The following NLRC4 variants were observed in gnomAD, a reference collection of about 807,000 sequenced individuals.
NLRC4 encodes the protein NLR family CARD domain containing 4, also known as NLR family CARD domain-containing protein 4.
NLRC4 carries 63 observed loss-of-function variants against 79.9 expected under a neutral mutation model. The observed-to-expected ratio is 0.79, with a 90% CI of 0.64 to 0.97. NLRC4 has a LOEUF of 0.97. NLRC4 is among the 50% of genes least tolerant of loss of function. The pLI is 0.00. For synonymous variants in NLRC4, 461 were observed against 456.5 expected, an observed-to-expected ratio of 1.01 and a Z score of -0.12; for missense variants, 1,074 against 1,215.2, an observed-to-expected ratio of 0.88 and a Z score of 1.73.
chr2:32,226,103 A>G (rs1242504010), intron 8 of NLRC4, among the ~76,000 whole-genome samples: 1 of 152,218 alleles, frequency 6.6e-6, no homozygotes, highest in South Asian at 2.1e-4. Context: ...AGCAAAGACT[A>G]AAAGGTATCT....
chr2:32,233,715 A>G (rs1015212591), intron 8 of NLRC4, among the ~76,000 whole-genome samples: 3 of 152,134 alleles, frequency 2.0e-5, no homozygotes, highest in Admixed American at 6.6e-5. Flanking sequence ...CATGTGGTCT[A>G]TCCTTGAGAA....
chr2:32,228,997 C>T (rs531575156), intron 8 of NLRC4, among the ~76,000 whole-genome samples: 30 of 151,926 alleles, frequency 2.0e-4, no homozygotes, highest in African/African-American at 6.8e-4. Flanking sequence ...AACTCCTGAC[C>T]TCAAGTGATA....
intron 4 of NLRC4, among the ~76,000 whole-genome samples, chr2:32,245,398 T>A (rs953618180): frequency 6.6e-6 from 1 of 151,514 alleles, no homozygotes; most frequent in East Asian, 1.9e-4. Context: ...ACATCACGTG[T>A]TCTTACTTAT....
chr2:32,231,728 C>A (rs2148931568), intron 8 of NLRC4, among the ~76,000 whole-genome samples: 1 of 152,044 alleles, frequency 6.6e-6, no homozygotes, highest in East Asian at 1.9e-4. Context: ...CGCTGCCACA[C>A]CCAGCTAATT....
chr2:32,258,542 A>T (rs1442473701), intron 1 of NLRC4, among the ~76,000 whole-genome samples: 1 of 152,116 alleles, frequency 6.6e-6, no homozygotes, highest in African/African-American at 2.4e-5. Context: ...TATCAATATG[A>T]GTAATTGAGG....
At chr2:32,233,349 A>ATATATATT (rs1418146489) in intron 8 of NLRC4, among the ~76,000 whole-genome samples, 17 of 41,086 alleles carry the variant, frequency 4.1e-4, no homozygotes, top group South Asian at 1.9e-3. Context: ...ATATATATAT[A>ATATATATT]TTTTTTTTTT....
At chr2:32,233,347 A>ATTTT (rs1453870780) in intron 8 of NLRC4, among the ~76,000 whole-genome samples, 5 of 45,626 alleles carry the variant, frequency 1.1e-4, no homozygotes, top group African/African-American at 4.0e-4. Flanking sequence ...ATATATATAT[A>ATTTT]TATTTTTTTT....
intron 1 of NLRC4, among the ~76,000 whole-genome samples, chr2:32,259,442 CAT>C (rs1007958308): frequency 2.0e-5 from 3 of 151,704 alleles, no homozygotes; most frequent in Non-Finnish European, 4.4e-5. Context: ...CATTTTCAAA[CAT>C]AGAGAAAATC....
Position 32,235,489 on chromosome 2 carries a change from G to T in NLRC4, c.2694C>A (p.Ser898Arg), listed in dbSNP as rs1167195197. The stretch of plus-strand genomic sequence containing the variant: ...GGACCTCCTCCAAATGTTTCAACAG[G>T]CTGCTCAGGCTGCCTTGCACGTCAC... Reference protein sequence around the residue: ...WGCDVQGSLSSLLKHLEEVPQ... With the variant: ...WGCDVQGSLSRLLKHLEEVPQ... Residue 898 changes from serine (S) to arginine (R), a missense_variant, in exon 8 of 9, where the codon AGC becomes AGA. By Grantham distance (110) the Ser-to-Arg change is moderately radical. Coordinates refer to ENST00000402280, the MANE Select transcript of NLRC4 (RefSeq NM_001199138.2). The T allele has an allele frequency of 6.2e-7, 1 of 1,614,104 alleles. No individual in the cohort carries two copies. The highest frequency in any genetic ancestry group is 2.2e-5 in the East Asian group (1 of 44,884).
chr2:32,260,238 G>GAAA, intron 1 of NLRC4, among the ~76,000 whole-genome samples: 1 of 117,910 alleles, frequency 8.5e-6, no homozygotes, highest in South Asian at 2.9e-4. Flanking sequence ...AAAAAACAAC[G>GAAA]AAAAAAAAAA....
At chr2:32,257,159 G>C (rs547142976) in intron 1 of NLRC4, among the ~76,000 whole-genome samples, 1 of 152,202 alleles carries the variant, frequency 6.6e-6, no homozygotes, top group Non-Finnish European at 1.5e-5. Context: ...AGCCAAGAAG[G>C]CAACATGGAA....
chr2:32,255,520 C>CAA (rs1385459440), intron 2 of NLRC4, among the ~76,000 whole-genome samples: 6 of 38,588 alleles, frequency 1.6e-4, no homozygotes, highest in Admixed American at 3.1e-4. Flanking sequence ...AACTCCGTCT[C>CAA]AAAAAAAAAA....
intron 1 of NLRC4, among the ~76,000 whole-genome samples, chr2:32,263,892 G>A (rs1687407294): frequency 6.6e-6 from 1 of 152,156 alleles, no homozygotes; most frequent in Non-Finnish European, 1.5e-5. Flanking sequence ...GTGTGATGTA[G>A]GGCAGGACAT....
At chr2:32,246,536 A>T (rs1349593875) in intron 4 of NLRC4, among the ~76,000 whole-genome samples, 4 of 152,206 alleles carry the variant, frequency 2.6e-5, no homozygotes, top group Non-Finnish European at 4.4e-5. Flanking sequence ...CTAACCCCAG[A>T]CTGCTACAGT....
At chr2:32,253,296 C>G (rs1410706210) in intron 2 of NLRC4, among the ~76,000 whole-genome samples, 1 of 151,654 alleles carries the variant, frequency 6.6e-6, no homozygotes, top group Admixed American at 6.6e-5. Context: ...ATTACAGGCA[C>G]GCACCACCAC....
rs1184074630 is a variant in NLRC4 at position 32,235,402 on chromosome 2, T to G, written c.2781A>C (p.Leu927Phe). Reference sequence around the variant, plus strand: ...TTGGCTCTGTATGTGTGTACCTACCTAAAATTCTAATCTCTGTATCTGTGA... The same window carrying G: ...TTGGCTCTGTATGTGTGTACCTACCGAAAATTCTAATCTCTGTATCTGTGA... ...WRLTDTEIRI[L>F]GAFFGKNPLK... The change falls in exon 8 of 9, where the codon TTA (leucine) becomes TTC (phenylalanine). Residue 927 changes from leucine to phenylalanine, a missense_variant and splice_region_variant. Coordinates refer to ENST00000402280, the MANE Select transcript of NLRC4 (RefSeq NM_001199138.2). The G allele has an allele frequency of 6.2e-7, 1 of 1,613,158 alleles. No individual in the cohort carries two copies. Among genetic ancestry groups the G allele is most frequent in the Admixed American group, 1.7e-5 (1 of 60,006 alleles).
intron 3 of NLRC4, 32 bp downstream of exon 3, chr2:32,252,387 C>A (rs565770249): frequency 1.2e-4 from 182 of 1,545,024 alleles, no homozygotes; most frequent in Non-Finnish European, 1.5e-4. Flanking sequence ...ATTCTACTTG[C>A]AGAAACAGAT....
chr2:32,242,133 A>G (rs1490784576), intron 4 of NLRC4, among the ~76,000 whole-genome samples: 1 of 152,022 alleles, frequency 6.6e-6, no homozygotes, highest in Non-Finnish European at 1.5e-5. Flanking sequence ...TCAGCCTCCC[A>G]AAGTGCTAGG....
At chr2:32,227,840 A>G (rs778463152) in intron 8 of NLRC4, among the ~76,000 whole-genome samples, 5 of 152,178 alleles carry the variant, frequency 3.3e-5, no homozygotes, top group Non-Finnish European at 5.9e-5. Context: ...AGAGAAACAG[A>G]ATCCATGACA....
Sources: allele counts gnomAD v4.1 joint callset (sites outside exome capture counted in the v4.1 genomes callset), GRCh38; gene constraint gnomAD v4.1.1; transcripts MANE v1.5; gene names NCBI Gene and HGNC (gene_info 2026-07-23, HGNC 2026-07-21).